Variants in MACROD2 observed in about 807,000 individuals in gnomAD.
MACROD2 encodes the protein ADP-ribose glycohydrolase MACROD2.
MACROD2 carries 36 observed loss-of-function variants against 70.4 expected under a neutral mutation model. The observed-to-expected ratio is 0.51, with a 90% CI of 0.39 to 0.68. The LOEUF is 0.68. Ranked by LOEUF, MACROD2 falls within the 30% of genes least tolerant of loss-of-function variation. MACROD2 has a pLI of 0.00. For synonymous variants in MACROD2, 172 were observed against 178.8 expected (o/e 0.96, Z 0.30); for missense variants, 496 against 538.4 (o/e 0.92, Z 0.78).
rs6105404 is a variant in MACROD2, at chr20:15,382,282, C to T, written c.541-49123C>T. 9.2e-3 allele frequency among the ~76,000 whole-genome samples: 1,401 copies of T among 152,240 alleles called. 17 individuals carry two copies. The highest frequency in any genetic ancestry group is 0.028 in the African/African-American group (1,168 of 41,536). ...TGAAAGGCTCCTCAACTTTTCATAA[C>T]GTTCACTTTTTGACCATTAAATAAA... On this transcript the variant is annotated intron_variant, in intron 6 of 17. Transcript: ENST00000684519.
intron 8 of MACROD2, among the ~76,000 whole-genome samples, chr20:15,718,393 A>C (rs1055051466): frequency 1.3e-5 from 2 of 152,214 alleles, no homozygotes; most frequent in Admixed American, 1.3e-4. Context: ...TCCCAACTGT[A>C]TATTAATTAT....
chr20:14,361,899 C>A (rs182739796), intron 3 of MACROD2, among the ~76,000 whole-genome samples: 1 of 152,306 alleles, frequency 6.6e-6, no homozygotes, highest in Admixed American at 6.5e-5. Context: ...CATAGCTCAC[C>A]TTAACCTTTT....
At chr20:14,786,200 A>AAGAGAGAGAGAGAGAG (rs1219384490) in intron 5 of MACROD2, among the ~76,000 whole-genome samples, 33 of 66,174 alleles carry the variant, frequency 5.0e-4, no homozygotes, top group African/African-American at 8.3e-4. Context: ...CACTCAGAGA[A>AAGAGAGAGAGAGAGAG]AGATAGAGAG....
chr20:14,711,648 G>C (rs1378012754), intron 5 of MACROD2, among the ~76,000 whole-genome samples: 1 of 151,952 alleles, frequency 6.6e-6, no homozygotes, highest in Non-Finnish European at 1.5e-5. Flanking sequence ...AATCTAAATG[G>C]GGGCCAAACC....
At chr20:15,832,652 A>ATGGGGCCATGTCAC (rs1401797186) in intron 8 of MACROD2, among the ~76,000 whole-genome samples, 4 of 152,222 alleles carry the variant, frequency 2.6e-5, no homozygotes, top group African/African-American at 9.6e-5. Context: ...ACAGGAAGCT[A>ATGGGGCCATGTCAC]CGGGGCCATG....
At chr20:15,527,651 G>C (rs2047739467) in intron 8 of MACROD2, among the ~76,000 whole-genome samples, 1 of 152,176 alleles carries the variant, frequency 6.6e-6, no homozygotes, top group African/African-American at 2.4e-5. Context: ...TAAGGCTTCA[G>C]AATGATCTGA....
intron 3 of MACROD2, among the ~76,000 whole-genome samples, chr20:14,488,172 T>C (rs1372646760): frequency 6.6e-6 from 1 of 152,218 alleles, no homozygotes; most frequent in Admixed American, 6.5e-5. Flanking sequence ...ACCTTTCTTG[T>C]CAAAGACAAG....
chr20:14,148,081 G>A lies in MACROD2; in HGVS notation c.271+62353G>A, dbSNP rs115026725. ...AATTAGTTAAATTTTACTACTCTTGGATATTAGAATTAAGGTAATAGTAGA... is the reference window on the plus strand; with the variant it reads ...AATTAGTTAAATTTTACTACTCTTGAATATTAGAATTAAGGTAATAGTAGA... On this transcript the variant is annotated intron_variant, in intron 3 of 17. Coordinates refer to ENST00000684519, the MANE Select transcript of MACROD2 (RefSeq NM_001351661.2). 5.4e-3 allele frequency among the ~76,000 whole-genome samples: 825 copies of A among 152,212 alleles called. 8 individuals carry two copies. Among genetic ancestry groups the A allele is most frequent in the Middle Eastern group, 0.037 (11 of 294 alleles).
intron 8 of MACROD2, among the ~76,000 whole-genome samples, chr20:15,524,314 G>T (rs1163862247): frequency 3.3e-5 from 5 of 151,942 alleles, no homozygotes; most frequent in Non-Finnish European, 5.9e-5. Context: ...GAGTGAAGCA[G>T]GCTGGGCAGA....
At chr20:14,204,650 CCTT>C (rs1419821876) in intron 3 of MACROD2, among the ~76,000 whole-genome samples, 2 of 152,170 alleles carry the variant, frequency 1.3e-5, no homozygotes, top group African/African-American at 4.8e-5. Flanking sequence ...GTGGAAAGCT[CCTT>C]CTGGCTCTGA....
chr20:15,910,716 G>A (rs1412631726), intron 10 of MACROD2, among the ~76,000 whole-genome samples: 1 of 152,062 alleles, frequency 6.6e-6, no homozygotes, highest in African/African-American at 2.4e-5. Flanking sequence ...TTTTAAATCT[G>A]TAATTTAAAA....
intron 3 of MACROD2, among the ~76,000 whole-genome samples, chr20:14,265,704 C>G (rs1215162293): frequency 6.6e-6 from 1 of 151,558 alleles, no homozygotes; most frequent in East Asian, 1.9e-4. Context: ...TTTAAAAACG[C>G]TTGTTTTCTT....
rs140995724 is a variant in MACROD2 at position 15,504,218 on chromosome 20, A to C, written c.645+4371A>C. Reference sequence around the variant, plus strand: ...AATCATATTCTGTTGCCCACCATCCACTTGTTTAATTTACCCAAAGTCTGA... The same window carrying C: ...AATCATATTCTGTTGCCCACCATCCCCTTGTTTAATTTACCCAAAGTCTGA... On this transcript the variant is annotated intron_variant, in intron 8 of 17. Coordinates refer to ENST00000684519, the MANE Select transcript of MACROD2 (RefSeq NM_001351661.2). Among the ~76,000 whole-genome samples, 1,003 of 152,218 alleles carry C rather than the reference A, an allele frequency of 6.6e-3. 13 individuals are homozygous for C. The highest frequency in any genetic ancestry group is 0.023 in the African/African-American group (960 of 41,542).
intron 3 of MACROD2, among the ~76,000 whole-genome samples, chr20:14,249,010 A>G (rs764857284): frequency 3.3e-5 from 5 of 151,930 alleles, no homozygotes; most frequent in Admixed American, 6.6e-5. Flanking sequence ...TCTTACTCTG[A>G]TTTAATAGCC....
intron 4 of MACROD2, among the ~76,000 whole-genome samples, chr20:14,531,262 A>T (rs1235116019): frequency 1.3e-5 from 2 of 152,168 alleles, no homozygotes; most frequent in East Asian, 3.9e-4. Flanking sequence ...TAAGGATCTC[A>T]AGAGGAAATA....
chr20:15,583,270 A>G (rs969689206), intron 8 of MACROD2, among the ~76,000 whole-genome samples: 2 of 152,184 alleles, frequency 1.3e-5, no homozygotes, highest in African/African-American at 4.8e-5. Flanking sequence ...CTTAGCTTAG[A>G]AGTCCTCTTA....
chr20:15,381,899 C>G lies in MACROD2; in HGVS notation c.541-49506C>G, dbSNP rs1224953764. ...AGTAAAATGGATGTGTATAAAGGAGCTACAAATGACTCCTGGATTTCTAGA... is the reference window on the plus strand; with the variant it reads ...AGTAAAATGGATGTGTATAAAGGAGGTACAAATGACTCCTGGATTTCTAGA... On this transcript the variant is annotated intron_variant, in intron 6 of 17. Coordinates refer to ENST00000684519, the MANE Select transcript of MACROD2 (RefSeq NM_001351661.2). Among the ~76,000 whole-genome samples the G allele has an allele frequency of 3.3e-5, 5 of 152,160 alleles. No homozygotes were observed. In the East Asian group the frequency reaches 9.7e-4, roughly 29 times the overall value.
chr20:15,538,957 G>T (rs2047916293), intron 8 of MACROD2, among the ~76,000 whole-genome samples: 1 of 151,660 alleles, frequency 6.6e-6, no homozygotes, highest in African/African-American at 2.4e-5. Flanking sequence ...AACTGTATGG[G>T]CATACCTAAT....
chr20:14,047,314 G>C (rs898747765), intron 2 of MACROD2, among the ~76,000 whole-genome samples: 2 of 152,064 alleles, frequency 1.3e-5, no homozygotes, highest in Non-Finnish European at 2.9e-5. Flanking sequence ...AATTAGCCGG[G>C]CATGGTGGCA....
Sources: gnomAD v4.1 joint callset for allele counts (sites outside exome capture counted in the v4.1 genomes callset) on GRCh38, gnomAD v4.1.1 for gene constraint, MANE v1.5 for transcripts, NCBI Gene and HGNC (gene_info 2026-07-23, HGNC 2026-07-21) for gene names.